The following ZNF804B variants were observed in gnomAD, a reference collection of about 807,000 sequenced individuals.
The protein encoded by ZNF804B is zinc finger protein 804B, also known as zinc finger 804B.
ZNF804B carries 80 observed loss-of-function variants against 101.4 expected under a neutral mutation model. The ratio of observed to expected loss-of-function variants is 0.79; its 90% CI spans 0.66 to 0.95. ZNF804B has a LOEUF of 0.95. ZNF804B is among the 40% of genes least tolerant of loss of function. The probability of loss-of-function intolerance (pLI) is 0.00; values close to 1 mark genes in which losing one functional copy is unlikely to be tolerated. For missense variants in ZNF804B, 1,673 were observed against 1,561.9 expected, an observed-to-expected ratio of 1.07 and a Z score of -1.20; for synonymous variants, 622 against 558.8, an observed-to-expected ratio of 1.11 and a Z score of -1.59.
chr7:89,193,146 A>T lies in ZNF804B; in HGVS notation c.109-25009A>T, dbSNP rs552028456. Reference sequence around the variant, plus strand: ...CAGCATAGTATTGGAAGTCCTGGACAGGGAAATCAGGCAAGAGAAAGAAAT... The same window carrying T: ...CAGCATAGTATTGGAAGTCCTGGACTGGGAAATCAGGCAAGAGAAAGAAAT... On this transcript the variant is annotated intron_variant, in intron 1 of 3. Coordinates refer to ENST00000333190, the MANE Select transcript of ZNF804B (RefSeq NM_181646.5). Among the ~76,000 whole-genome samples the T allele has an allele frequency of 2.0e-5, 3 of 152,144 alleles. No homozygotes were observed. In the East Asian group the frequency reaches 5.8e-4, roughly 30 times the overall value.
At chr7:89,307,274 G>A (rs969451866) in intron 2 of ZNF804B, among the ~76,000 whole-genome samples, 3 of 151,882 alleles carry the variant, frequency 2.0e-5, no homozygotes, top group Non-Finnish European at 2.9e-5. Flanking sequence ...AATGAACCAT[G>A]CATAGAATAT....
chr7:88,849,143 A>G lies in ZNF804B; in HGVS notation c.108+89059A>G, dbSNP rs118053438. On this transcript the variant is annotated intron_variant, in intron 1 of 3. Coordinates refer to ENST00000333190, the MANE Select transcript of ZNF804B (RefSeq NM_181646.5). ...ACGTTTCCTTTCAATTTTCTTGGGT[A>G]TGTACACTTAGTCCTTTAGCCTTTT... is the stretch of plus-strand genomic sequence containing the variant. Among the ~76,000 whole-genome samples, 7 of 152,178 alleles carry G rather than the reference A, an allele frequency of 4.6e-5. No individual in the cohort carries two copies. In the East Asian group the frequency reaches 1.4e-3, roughly 29 times the overall value.
At chr7:89,295,757 A>T (rs1790372586) in intron 2 of ZNF804B, among the ~76,000 whole-genome samples, 1 of 152,100 alleles carries the variant, frequency 6.6e-6, no homozygotes, top group African/African-American at 2.4e-5. Context: ...CAATCTAAGT[A>T]CCCATCAACT....
At chr7:89,013,383 A>G (rs1244424945) in intron 1 of ZNF804B, among the ~76,000 whole-genome samples, 2 of 152,238 alleles carry the variant, frequency 1.3e-5, no homozygotes, top group Non-Finnish European at 2.9e-5. Context: ...ATCTACCAGC[A>G]TGATCTCTAA....
rs151114497 is a variant in ZNF804B, at chr7:88,968,353, A to G, written c.108+208269A>G. 2.5e-3 allele frequency among the ~76,000 whole-genome samples: 382 copies of G among 151,710 alleles called. 1 individual carries two copies. The highest frequency in any genetic ancestry group is 8.9e-3 in the African/African-American group (369 of 41,468). ...CTGATACGGAAAACCCTGATTCATC[A>G]TCTTTTTCTGATTGTATCATTTTTG... On this transcript the variant is annotated intron_variant, in intron 1 of 3. Coordinates refer to ENST00000333190, the MANE Select transcript of ZNF804B (RefSeq NM_181646.5).
chr7:89,292,038 C>T (rs980906655), intron 2 of ZNF804B, among the ~76,000 whole-genome samples: 1 of 151,844 alleles, frequency 6.6e-6, no homozygotes, highest in African/African-American at 2.4e-5. Flanking sequence ...TAAAAAATTC[C>T]TAGTGAAAAA....
At chr7:88,818,006 G>A (rs997202292) in intron 1 of ZNF804B, among the ~76,000 whole-genome samples, 1 of 152,142 alleles carries the variant, frequency 6.6e-6, no homozygotes, top group African/African-American at 2.4e-5. Context: ...GGCCTGTAAA[G>A]TGCTTGGCAT....
At chr7:89,017,794 T>A (rs1177228772) in intron 1 of ZNF804B, among the ~76,000 whole-genome samples, 6 of 152,192 alleles carry the variant, frequency 3.9e-5, no homozygotes, top group Non-Finnish European at 8.8e-5. Context: ...GGGATTTCTT[T>A]TTTCAGTTTT....
chr7:89,114,940 T>C (rs1790285311), intron 1 of ZNF804B, among the ~76,000 whole-genome samples: 2 of 152,220 alleles, frequency 1.3e-5, no homozygotes, highest in Non-Finnish European at 2.9e-5. Context: ...CATTTAGCTT[T>C]ACACGTTTAT....
At chr7:88,783,815 A>G (rs1351174937) in intron 1 of ZNF804B, among the ~76,000 whole-genome samples, 1 of 152,172 alleles carries the variant, frequency 6.6e-6, no homozygotes, top group Non-Finnish European at 1.5e-5. Context: ...GGAAATGGGA[A>G]CAGAGAAGTT....
intron 1 of ZNF804B, among the ~76,000 whole-genome samples, chr7:89,083,838 G>A (rs947987932): frequency 3.3e-5 from 5 of 151,738 alleles, no homozygotes; most frequent in African/African-American, 9.7e-5. Flanking sequence ...AGGATTGGAC[G>A]ATATAACCAA....
intron 1 of ZNF804B, among the ~76,000 whole-genome samples, chr7:88,959,208 A>G (rs1169957142): frequency 2.6e-5 from 4 of 151,346 alleles, no homozygotes; most frequent in Non-Finnish European, 5.9e-5. Context: ...TTTCTTATGT[A>G]TTGTCATTGT....
At chr7:89,116,838 CAG>C (rs1410048576) in intron 1 of ZNF804B, among the ~76,000 whole-genome samples, 8 of 151,950 alleles carry the variant, frequency 5.3e-5, no homozygotes, top group African/African-American at 1.9e-4. Context: ...ATAATGGCAC[CAG>C]AGATATAAAG....
intron 1 of ZNF804B, among the ~76,000 whole-genome samples, chr7:89,183,482 A>G (rs1392230858): frequency 6.6e-6 from 1 of 152,186 alleles, no homozygotes; most frequent in East Asian, 1.9e-4. Context: ...GATATTAAAA[A>G]GTCTGCAAAA....
At chr7:88,831,186 A>G (rs1225664148) in intron 1 of ZNF804B, among the ~76,000 whole-genome samples, 1 of 151,914 alleles carries the variant, frequency 6.6e-6, no homozygotes, top group African/African-American at 2.4e-5. Flanking sequence ...TTTCCTGGAA[A>G]CAAACAAACC....
At chr7:89,059,845 G>A (rs1216224734) in intron 1 of ZNF804B, among the ~76,000 whole-genome samples, 1 of 152,092 alleles carries the variant, frequency 6.6e-6, no homozygotes. Context: ...ATTAGTGTGT[G>A]AGGTTGAGCA....
intron 1 of ZNF804B, among the ~76,000 whole-genome samples, chr7:89,120,984 AT>A (rs1481024176): frequency 5.9e-5 from 9 of 152,332 alleles, no homozygotes; most frequent in African/African-American, 1.9e-4. Flanking sequence ...TGTCCAAGAC[AT>A]TTTGCATATA....
chr7:89,134,949 C>A (rs781696979), intron 1 of ZNF804B, among the ~76,000 whole-genome samples: 41 of 151,922 alleles, frequency 2.7e-4, no homozygotes, highest in African/African-American at 9.4e-4. Flanking sequence ...ATTGCATTGA[C>A]CTTACTCCTT....
chr7:89,229,862 G>A (rs1051446434), intron 2 of ZNF804B, among the ~76,000 whole-genome samples: 1 of 151,888 alleles, frequency 6.6e-6, no homozygotes, highest in Non-Finnish European at 1.5e-5. Flanking sequence ...TACAAAATAT[G>A]CTCTCAAATC....
Sources: gnomAD v4.1 joint callset for allele counts (sites outside exome capture counted in the v4.1 genomes callset) on GRCh38, gnomAD v4.1.1 for gene constraint, MANE v1.5 for transcripts, NCBI Gene and HGNC (gene_info 2026-07-23, HGNC 2026-07-21) for gene names.